The following RAB3C variants were observed in gnomAD, a reference collection of about 807,000 sequenced individuals.
The protein encoded by RAB3C is ras-related protein Rab-3C.
In RAB3C, 17 loss-of-function variants were observed where a neutral mutation model predicts 26.4. The observed-to-expected ratio is 0.64, with a 90% CI of 0.44 to 0.97. The LOEUF is 0.97. Among genes scored for constraint, RAB3C ranks in the 50% least tolerant of loss-of-function variants. The probability of loss-of-function intolerance (pLI) is 0.00; values close to 1 mark genes in which losing one functional copy is unlikely to be tolerated. For missense variants in RAB3C, 242 were observed against 281.9 expected, an observed-to-expected ratio of 0.86 and a Z score of 1.01; for synonymous variants, 91 against 95.9, an observed-to-expected ratio of 0.95 and a Z score of 0.30.
rs145604482 is a variant in RAB3C at position 58,615,194 on chromosome 5, A to C, written c.25-2449A>C. ...TTACAACTTTTGAGGTATCCTAGAG[A>C]TCCTCGGGCCTCAGTTTGAATGCCA... On this transcript the variant is annotated intron_variant, in intron 1 of 4. Coordinates refer to ENST00000282878, the MANE Select transcript of RAB3C (RefSeq NM_138453.4). Among the ~76,000 whole-genome samples the C allele has an allele frequency of 5.9e-5, 9 of 152,182 alleles. No homozygotes were observed. In the East Asian group the frequency reaches 1.7e-3, roughly 29 times the overall value.
chr5:58,750,938 T>A (rs984183638), intron 3 of RAB3C, among the ~76,000 whole-genome samples: 1 of 152,024 alleles, frequency 6.6e-6, no homozygotes, highest in African/African-American at 2.4e-5. Flanking sequence ...CTCTGCAACC[T>A]CCACCTCCCG....
rs1744282935 is a variant in RAB3C at position 58,857,179 on chromosome 5, CTG to C, written c.*5833_*5834del. ...ATGAATGTGTGAGATGCTTTGATAG[CTG>C]TGTGACTTATTCAAATGATTTTCTT... On this transcript the variant is annotated 3_prime_UTR_variant, in exon 5 of 5. Transcript: ENST00000282878. The C allele has an allele frequency of 6.6e-6, 1 of 152,106 alleles. No homozygotes were observed. Among genetic ancestry groups the C allele is most frequent in the Admixed American group, 6.6e-5 (1 of 15,260 alleles). The allele number at this position is 152,106 out of a possible 1,614,324, so 9.4% of individuals were successfully genotyped here. A position where few individuals can be genotyped will look rare whatever the true frequency, so the allele number is the denominator to read the frequency against.
At chr5:58,791,890 T>A (rs948950658) in intron 3 of RAB3C, among the ~76,000 whole-genome samples, 2 of 152,226 alleles carry the variant, frequency 1.3e-5, no homozygotes, top group Non-Finnish European at 2.9e-5. Context: ...AAATATTTAT[T>A]TTTGGCACTG....
chr5:58,699,612 G>A (rs1748797268), intron 2 of RAB3C, among the ~76,000 whole-genome samples: 1 of 152,198 alleles, frequency 6.6e-6, no homozygotes, highest in Non-Finnish European at 1.5e-5. Context: ...GAGCTAAGGT[G>A]GGCTCCACCC....
intron 4 of RAB3C, among the ~76,000 whole-genome samples, chr5:58,843,911 A>T (rs906831863): frequency 6.6e-6 from 1 of 152,176 alleles, no homozygotes; most frequent in African/African-American, 2.4e-5. Flanking sequence ...AATTAACAGA[A>T]ATCTATTCTT....
rs978827113 is a variant in RAB3C, at chr5:58,597,621, T to A, written c.24+14389T>A. Among the ~76,000 whole-genome samples, 156 of 131,666 alleles carry A rather than the reference T, an allele frequency of 1.2e-3. 1 individual carries two copies. Among genetic ancestry groups the A allele is most frequent in the African/African-American group, 3.9e-3 (143 of 36,720 alleles). The allele number at this position is 131,666 out of a possible 152,430, so 86.4% of individuals were successfully genotyped here. On this transcript the variant is annotated intron_variant, in intron 1 of 4. Coordinates refer to ENST00000282878, the MANE Select transcript of RAB3C (RefSeq NM_138453.4). ...ATATAAGCATATAACAATATATAGTTCATTATATATAAGCATATAACAATA... is the reference window on the plus strand; with the variant it reads ...ATATAAGCATATAACAATATATAGTACATTATATATAAGCATATAACAATA...
intron 3 of RAB3C, among the ~76,000 whole-genome samples, chr5:58,750,484 A>T (rs1046649215): frequency 6.6e-6 from 1 of 152,232 alleles, no homozygotes; most frequent in Admixed American, 6.5e-5. Flanking sequence ...CTGCTTAAGA[A>T]TCAGCTGAGG....
intron 2 of RAB3C, among the ~76,000 whole-genome samples, chr5:58,652,970 A>G (rs1747690527): frequency 6.6e-6 from 1 of 152,116 alleles, no homozygotes; most frequent in East Asian, 1.9e-4. Flanking sequence ...GGGAAAAAAA[A>G]GCTATTTTTG....
chr5:58,762,465 A>T (rs1429851584), intron 3 of RAB3C, among the ~76,000 whole-genome samples: 1 of 152,114 alleles, frequency 6.6e-6, no homozygotes, highest in Non-Finnish European at 1.5e-5. Context: ...GGCCGAGGCA[A>T]GTGGATCACC....
intron 3 of RAB3C, among the ~76,000 whole-genome samples, chr5:58,730,669 A>T (rs1740993593): frequency 6.6e-6 from 1 of 152,172 alleles, no homozygotes; most frequent in Non-Finnish European, 1.5e-5. Flanking sequence ...GAAAGAAAAA[A>T]AAGCTTGCTG....
chr5:58,823,093 T>C, intron 3 of RAB3C: 1 of 497,052 alleles, frequency 2.0e-6, no homozygotes, highest in South Asian at 1.7e-5. Flanking sequence ...CAGAAGCGCA[T>C]GGGAAACACA....
chr5:58,668,802 C>G (rs113042249), intron 2 of RAB3C, among the ~76,000 whole-genome samples: 275 of 152,192 alleles, frequency 1.8e-3, no homozygotes, highest in African/African-American at 6.0e-3. Flanking sequence ...CACTCATGGT[C>G]TCCCATGAAA....
intron 3 of RAB3C, among the ~76,000 whole-genome samples, chr5:58,750,351 C>T (rs1296241292): frequency 2.0e-5 from 3 of 152,154 alleles, no homozygotes; most frequent in African/African-American, 7.2e-5. Flanking sequence ...GTGAGTGCTT[C>T]AAGGGCAGCT....
chr5:58,625,140 A>G (rs1579823554), intron 2 of RAB3C, among the ~76,000 whole-genome samples: 1 of 152,144 alleles, frequency 6.6e-6, no homozygotes, highest in African/African-American at 2.4e-5. Flanking sequence ...CTCTTAATCC[A>G]TTCTGCTGCA....
At chr5:58,803,075 A>G (rs188607697) in intron 3 of RAB3C, among the ~76,000 whole-genome samples, 4 of 152,336 alleles carry the variant, frequency 2.6e-5, no homozygotes, top group Non-Finnish European at 5.9e-5. Flanking sequence ...GAGCTTAGTC[A>G]TATAGCCATA....
intron 2 of RAB3C, among the ~76,000 whole-genome samples, chr5:58,695,023 G>A (rs987261001): frequency 6.6e-6 from 1 of 152,050 alleles, no homozygotes; most frequent in Non-Finnish European, 1.5e-5. Context: ...TGTCCTGAAT[G>A]GTATTGCCTA....
At chr5:58,821,617 C>T (rs1196397986) in intron 3 of RAB3C, among the ~76,000 whole-genome samples, 1 of 152,150 alleles carries the variant, frequency 6.6e-6, no homozygotes, top group African/African-American at 2.4e-5. Flanking sequence ...ATATTATTAA[C>T]TTAGGTATCA....
intron 3 of RAB3C, among the ~76,000 whole-genome samples, chr5:58,778,562 T>C (rs953689486): frequency 8.5e-5 from 13 of 152,160 alleles, no homozygotes; most frequent in Admixed American, 3.9e-4. Flanking sequence ...GTTCTGGCAC[T>C]GCCTAGTAAT....
intron 3 of RAB3C, among the ~76,000 whole-genome samples, chr5:58,774,504 T>C (rs1407050887): frequency 6.6e-6 from 1 of 152,144 alleles, no homozygotes; most frequent in Non-Finnish European, 1.5e-5. Context: ...ACTACAGAGA[T>C]ATTAGTGGGG....
Sources: gnomAD v4.1 joint callset for allele counts (sites outside exome capture counted in the v4.1 genomes callset) on GRCh38, gnomAD v4.1.1 for gene constraint, MANE v1.5 for transcripts, NCBI Gene and HGNC (gene_info 2026-07-23, HGNC 2026-07-21) for gene names.